Variants in CACNA1D observed in about 807,000 individuals in gnomAD.
CACNA1D encodes calcium voltage-gated channel subunit alpha1 D.
Under a neutral mutation model 257.1 loss-of-function variants are expected in CACNA1D, and 55 were observed. The observed-to-expected ratio is 0.21, with a 90% CI of 0.17 to 0.27. CACNA1D has a LOEUF of 0.27. Ranked by LOEUF, CACNA1D falls within the 10% of genes least tolerant of loss-of-function variation. The probability of loss-of-function intolerance (pLI) is 1.00; values close to 1 mark genes in which losing one functional copy is unlikely to be tolerated. For missense variants in CACNA1D, 1,876 were observed against 2,784.0 expected (o/e 0.67, Z 7.34); for synonymous variants, 980 against 1,014.9 (o/e 0.97, Z 0.65).
rs1449372059 is a variant in CACNA1D, at chr3:53,673,225, G to C, written c.1220+99G>C. ...TGAGGGCCGCCAAGAGGGGTTGCCA[G>C]ACATTTTATGTGTCCTCTGAGATGC... On this transcript the variant is annotated intron_variant, in intron 8 of 47. Coordinates refer to ENST00000350061, the MANE Select transcript of CACNA1D (RefSeq NM_001128840.3). The surrounding 1 kb of genome is among the most constrained non-coding windows in gnomAD (Gnocchi z 4.1). 1.3e-6 allele frequency: 1 copy of C among 744,846 alleles called. No homozygotes were observed. The highest frequency in any genetic ancestry group is 2.3e-6 in the Non-Finnish European group (1 of 429,024). 46.1% of individuals were successfully genotyped at this position (744,846 alleles called of 1,614,324 possible).
At chr3:53,525,457 A>T (rs1443562409) in intron 3 of CACNA1D, among the ~76,000 whole-genome samples, 1 of 152,224 alleles carries the variant, frequency 6.6e-6, no homozygotes, top group Non-Finnish European at 1.5e-5. Context: ...TTTACTAAGG[A>T]GGAGATGACC....
intron 38 of CACNA1D, among the ~76,000 whole-genome samples, chr3:53,780,768 A>T (rs900591487): frequency 6.6e-6 from 1 of 152,074 alleles, no homozygotes. Flanking sequence ...TGGAATGGAG[A>T]GCAGATTGCA....
rs759256301 is a variant in CACNA1D, at chr3:53,702,779, GGAA to G, written c.1364_1366del (p.Glu455del). 7 of 1,614,102 alleles carry G rather than the reference GGAA, an allele frequency of 4.3e-6. No individual in the cohort carries two copies. Among genetic ancestry groups the G allele is most frequent in the African/African-American group, 2.7e-5 (2 of 74,924 alleles). On this transcript the variant is annotated inframe_deletion, in exon 9 of 48. Coordinates refer to ENST00000350061, the MANE Select transcript of CACNA1D (RefSeq NM_001128840.3). ...CTGAGGACATCGATCCGGAGAATGAGGAAGAAGGAGGAGAGGAAGGCAAACGAA... is the reference window on the plus strand; with the variant it reads ...CTGAGGACATCGATCCGGAGAATGAGGAAGGAGGAGAGGAAGGCAAACGAA...
chr3:53,595,266 A>G (rs1381932386), intron 3 of CACNA1D, among the ~76,000 whole-genome samples: 1 of 152,246 alleles, frequency 6.6e-6, no homozygotes, highest in Admixed American at 6.5e-5. Context: ...CCTGTTTCCC[A>G]CTGGAGAATG....
intron 3 of CACNA1D, among the ~76,000 whole-genome samples, chr3:53,625,440 T>A (rs2093746224): frequency 6.6e-6 from 1 of 152,182 alleles, no homozygotes; most frequent in Admixed American, 6.5e-5. Context: ...CTCCAGCACT[T>A]CCCTCACTGT....
chr3:53,776,793 TG>T (rs2095400316), intron 36 of CACNA1D, 63 bp downstream of exon 36: 4 of 1,613,638 alleles, frequency 2.5e-6, no homozygotes, highest in African/African-American at 1.3e-5. Flanking sequence ...GCTTTTTTTG[TG>T]GAGTGGACTG....
At chr3:53,713,643 A>G (rs903613639) in intron 9 of CACNA1D, among the ~76,000 whole-genome samples, 3 of 152,130 alleles carry the variant, frequency 2.0e-5, no homozygotes, top group Non-Finnish European at 2.9e-5. Flanking sequence ...CACCTTGGTG[A>G]AAATGCTAGT....
At chr3:53,591,954 T>C (rs953147190) in intron 3 of CACNA1D, among the ~76,000 whole-genome samples, 7 of 151,882 alleles carry the variant, frequency 4.6e-5, no homozygotes, top group African/African-American at 1.5e-4. Context: ...TCTGCCCCTT[T>C]CTTTTCTTTC....
intron 47 of CACNA1D, chr3:53,810,619 G>A (rs1264700700): frequency 3.6e-5 from 14 of 387,902 alleles, no homozygotes; most frequent in Admixed American, 1.8e-4. Flanking sequence ...TTAGCCGGGC[G>A]TGGTGGTGTA....
At chr3:53,659,126 T>A (rs2094177633) in intron 4 of CACNA1D, among the ~76,000 whole-genome samples, 1 of 152,226 alleles carries the variant, frequency 6.6e-6, no homozygotes, top group South Asian at 2.1e-4. Flanking sequence ...GGGCAAATTT[T>A]ATACTTACTC....
At chr3:53,726,314 C>G (rs529742416) in intron 14 of CACNA1D, among the ~76,000 whole-genome samples, 111 of 152,240 alleles carry the variant, frequency 7.3e-4, no homozygotes, top group Non-Finnish European at 1.4e-3. Context: ...GGGGAAGGGA[C>G]TAAAACTGGG....
chr3:53,519,538 C>T (rs942661290), intron 3 of CACNA1D, among the ~76,000 whole-genome samples: 2 of 152,128 alleles, frequency 1.3e-5, no homozygotes, highest in Non-Finnish European at 2.9e-5. Flanking sequence ...TGGTCACTGG[C>T]ACCTGGCATT....
At chr3:53,808,527 G>C (rs1055042478) in intron 45 of CACNA1D, 122 bp from the exon 46 acceptor site, 1 of 1,218,354 alleles carries the variant, frequency 8.2e-7, no homozygotes, top group Non-Finnish European at 1.2e-6. Context: ...TCTTTCTCTT[G>C]GACAAACCGC....
Position 53,791,216 on chromosome 3 carries a change from C to T in CACNA1D, c.4923+4264C>T, listed in dbSNP as rs983347561. 7.0e-6 allele frequency: 4 copies of T among 570,056 alleles called. No individual in the cohort carries two copies. In the African/African-American group the frequency reaches 7.6e-5, roughly 11 times the overall value. 35.3% of individuals were successfully genotyped at this position (570,056 alleles called of 1,614,324 possible). ...GCGGGGCCGTGGCTCATCTGCGGAG[C>T]CAGGGCTGCCTGTCGCGGACGTTGC... On this transcript the variant is annotated intron_variant, in intron 40 of 47. Coordinates refer to ENST00000350061, the MANE Select transcript of CACNA1D (RefSeq NM_001128840.3).
chr3:53,494,940 C>G lies in CACNA1D; in HGVS notation c.-227C>G, dbSNP rs2090283644. On this transcript the variant is annotated 5_prime_UTR_variant, in exon 1 of 48. Transcript: ENST00000350061. ...ATTTTTTTAAAAAGTTTATTTTGCT[C>G]CATTTTTGAAAAAGAGAGAGCTTGG... The G allele has an allele frequency of 3.5e-6, 2 of 565,594 alleles. No homozygotes were observed. Among genetic ancestry groups the G allele is most frequent in the East Asian group, 6.0e-5 (2 of 33,470 alleles). 35.0% of individuals were successfully genotyped at this position (565,594 alleles called of 1,614,324 possible). A position where few individuals can be genotyped will look rare whatever the true frequency, so the allele number is the denominator to read the frequency against.
intron 3 of CACNA1D, among the ~76,000 whole-genome samples, chr3:53,636,905 T>TA (rs1282123059): frequency 2.0e-5 from 3 of 152,268 alleles, no homozygotes; most frequent in Non-Finnish European, 4.4e-5. Context: ...ATTCAACGGT[T>TA]AAGGTGACTT....
At position 53,731,134 on chromosome 3, in the gene CACNA1D, C is replaced by T. The variant is rs1386661281; in HGVS notation, c.2394C>T (p.Asn798=). ...NNKPEVNQIA[N]SDNKVTIDDY... ...AACCAGAAGTCAACCAGATAGCCAA[C>T]AGTGACAACAAGGTATGTATTCTAA... Residue 798 remains asparagine (N), a synonymous_variant, in exon 17 of 48, where the codon AAC becomes AAT. Transcript: ENST00000350061. The T allele has an allele frequency of 6.2e-7, 1 of 1,607,446 alleles. No individual in the cohort carries two copies. The highest frequency in any genetic ancestry group is 8.5e-7 in the Non-Finnish European group (1 of 1,173,932).
Position 53,801,045 on chromosome 3 carries a change from C to A in CACNA1D, c.5041-13C>A. 6.2e-7 allele frequency: 1 copy of A among 1,613,238 alleles called. No homozygotes were observed. The highest frequency in any genetic ancestry group is 8.5e-7 in the Non-Finnish European group (1 of 1,179,272). ...TGTTAAATTACCTGGTGTTGTCTCC[C>A]ATTATTTTGCAGAGAAATGGTGCCC... On this transcript the variant is annotated splice_polypyrimidine_tract_variant and intron_variant, in intron 41 of 47. Transcript: ENST00000350061.
chr3:53,665,193 T>C (rs148987455), intron 5 of CACNA1D, among the ~76,000 whole-genome samples: 2 of 152,076 alleles, frequency 1.3e-5, no homozygotes, highest in East Asian at 3.9e-4. Flanking sequence ...ATTTTAACTA[T>C]TGGGATATTT....
Sources: gnomAD v4.1 joint callset for allele counts (sites outside exome capture counted in the v4.1 genomes callset) on GRCh38, gnomAD v4.1.1 for gene constraint, Gnocchi (gnomAD v3.1) non-coding constraint, MANE v1.5 for transcripts, NCBI Gene and HGNC (gene_info 2026-07-23, HGNC 2026-07-21) for gene names.